DYM: variants seen among roughly 807,000 people sequenced by gnomAD.
DYM encodes dymeclin, also known as dyggve-Melchior-Clausen syndrome protein.
DYM carries 78 observed loss-of-function variants against 93.1 expected under a neutral mutation model. The ratio of observed to expected loss-of-function variants is 0.84; its 90% CI spans 0.70 to 1.01. DYM has a LOEUF of 1.01. Ranked by LOEUF, DYM falls within the 50% of genes least tolerant of loss-of-function variation. The probability of loss-of-function intolerance (pLI) is 0.00; values close to 1 mark genes in which losing one functional copy is unlikely to be tolerated. For missense variants in DYM, 789 were observed against 845.0 expected (o/e 0.93, Z 0.82); for synonymous variants, 321 against 319.7 (o/e 1.00, Z -0.04).
chr18:49,244,634 T>C (rs2094122764), intron 13 of DYM, among the ~76,000 whole-genome samples: 1 of 151,394 alleles, frequency 6.6e-6, no homozygotes, highest in African/African-American at 2.4e-5. Context: ...AATACTCATA[T>C]TATTGGATAA....
chr18:49,125,795 G>C (rs1216268570), intron 15 of DYM, among the ~76,000 whole-genome samples: 5 of 152,154 alleles, frequency 3.3e-5, no homozygotes. Flanking sequence ...GAACACTTTT[G>C]AAAGGCTCCT....
chr18:49,381,944 A>G (rs1232102392), intron 3 of DYM, among the ~76,000 whole-genome samples: 1 of 151,950 alleles, frequency 6.6e-6, no homozygotes, highest in Non-Finnish European at 1.5e-5. Context: ...TAAGGTTTGC[A>G]AACGCATCTC....
chr18:49,160,365 T>C (rs2086946624), intron 15 of DYM, among the ~76,000 whole-genome samples: 1 of 152,340 alleles, frequency 6.6e-6, no homozygotes, highest in Admixed American at 6.5e-5. Flanking sequence ...ATTAGCTTTC[T>C]ATGTTGTTAC....
intron 13 of DYM, among the ~76,000 whole-genome samples, chr18:49,250,632 G>A (rs538979981): frequency 2.6e-4 from 39 of 152,310 alleles, no homozygotes; most frequent in African/African-American, 8.9e-4. Flanking sequence ...CCTAGGAGCT[G>A]AACTGGGGAG....
intron 17 of DYM, among the ~76,000 whole-genome samples, chr18:49,095,963 G>A (rs2079508284): frequency 6.6e-6 from 1 of 151,940 alleles, no homozygotes; most frequent in African/African-American, 2.4e-5. Flanking sequence ...CACTTCCTGG[G>A]AGTAGCCACT....
intron 8 of DYM, among the ~76,000 whole-genome samples, chr18:49,306,980 C>A (rs1402040338): frequency 6.6e-6 from 1 of 152,058 alleles, no homozygotes; most frequent in Non-Finnish European, 1.5e-5. Context: ...TCTCACCCCA[C>A]TCTCATCTGC....
At chr18:49,300,426 C>T (rs2060851434) in intron 8 of DYM, among the ~76,000 whole-genome samples, 2 of 151,890 alleles carry the variant, frequency 1.3e-5, no homozygotes, top group Admixed American at 1.3e-4. Flanking sequence ...ATAGTGAAAC[C>T]TCATCTCTAC....
chr18:49,368,097 T>C (rs1475243594), intron 5 of DYM, among the ~76,000 whole-genome samples: 4 of 152,200 alleles, frequency 2.6e-5, no homozygotes, highest in Non-Finnish European at 5.9e-5. Context: ...TGCATTTCAG[T>C]GCACTACAGT....
chr18:49,321,869 T>C (rs1235275385), intron 8 of DYM, among the ~76,000 whole-genome samples: 1 of 152,106 alleles, frequency 6.6e-6, no homozygotes, highest in African/African-American at 2.4e-5. Flanking sequence ...TTTTGAAAGT[T>C]AGAAGTGTTT....
At chr18:49,400,115 A>T (rs2070643802) in intron 2 of DYM, among the ~76,000 whole-genome samples, 1 of 150,588 alleles carries the variant, frequency 6.6e-6, no homozygotes, top group African/African-American at 2.4e-5. Context: ...TAATTTTTGA[A>T]TTTTTAGTAG....
chr18:49,121,556 T>C (rs1458096098), intron 15 of DYM, among the ~76,000 whole-genome samples: 1 of 151,062 alleles, frequency 6.6e-6, no homozygotes, highest in African/African-American at 2.4e-5. Flanking sequence ...CGTCAGAAAA[T>C]ACCCATGGTC....
In DYM at chr18:49,243,587, C is replaced by G. The variant is rs541313332; in HGVS notation, c.1460+13423G>C. On this transcript the variant is annotated intron_variant, in intron 13 of 17. Coordinates refer to ENST00000675505, the MANE Select transcript of DYM (RefSeq NM_001353214.3). ...AGCTGAGGCATGAGAACTGCTTGAACCTGGGAGGTGGAGGTTGCAGTGAGC... is the reference window on the plus strand; with the variant it reads ...AGCTGAGGCATGAGAACTGCTTGAAGCTGGGAGGTGGAGGTTGCAGTGAGC... 7.3e-5 allele frequency among the ~76,000 whole-genome samples: 11 copies of G among 150,840 alleles called. No homozygotes were observed. The South Asian group carries it at 2.1e-3, about 29-fold the overall frequency.
intron 6 of DYM, among the ~76,000 whole-genome samples, chr18:49,341,370 T>C (rs1358568912): frequency 6.6e-6 from 1 of 151,868 alleles, no homozygotes; most frequent in East Asian, 1.9e-4. Context: ...CAGGCACCTG[T>C]AGTCCCAGCT....
chr18:49,118,743 C>G lies in DYM; in HGVS notation c.1911+1G>C. Reference sequence around the variant, plus strand: ...TAATAAATGTCTTCATTTACACTCACCAGATCAATATTTTGCATTATATCC... The same window carrying G: ...TAATAAATGTCTTCATTTACACTCAGCAGATCAATATTTTGCATTATATCC... On this transcript the variant is annotated splice_donor_variant, in intron 16 of 17. Transcript: ENST00000675505. LOFTEE classifies it high-confidence loss of function. The G allele has an allele frequency of 6.2e-7, 1 of 1,612,396 alleles. No individual in the cohort carries two copies. The highest frequency in any genetic ancestry group is 1.3e-5 in the African/African-American group (1 of 75,022).
At chr18:49,323,288 G>A (rs762976122) in intron 8 of DYM, among the ~76,000 whole-genome samples, 1 of 152,188 alleles carries the variant, frequency 6.6e-6, no homozygotes, top group Non-Finnish European at 1.5e-5. Context: ...ACTAAGCAGA[G>A]CTGTGGTTTA....
At chr18:49,450,565 C>T (rs112450660) in intron 1 of DYM, among the ~76,000 whole-genome samples, 13,898 of 152,204 alleles carry the variant, frequency 0.091, 857 homozygotes, top group East Asian at 0.31. Context: ...CAAAATTGTC[C>T]TTCCTGATGC....
chr18:49,308,958 A>C (rs2146314404), intron 8 of DYM, among the ~76,000 whole-genome samples: 1 of 152,326 alleles, frequency 6.6e-6, no homozygotes, highest in African/African-American at 2.4e-5. Flanking sequence ...AGATCCATAT[A>C]ATACACCATT....
chr18:49,169,168 C>A (rs763606079), intron 14 of DYM, among the ~76,000 whole-genome samples: 2 of 152,178 alleles, frequency 1.3e-5, no homozygotes, highest in African/African-American at 2.4e-5. Context: ...CCAGAGGGCG[C>A]AGTCAGGTGA....
chr18:49,217,819 G>A (rs62104570), intron 13 of DYM, among the ~76,000 whole-genome samples: 32,583 of 151,900 alleles, frequency 0.21, 3,537 homozygotes, highest in East Asian at 0.37. Flanking sequence ...TGTAAAGACC[G>A]TCGAGGCTGG....
Sources: allele counts gnomAD v4.1 joint callset (sites outside exome capture counted in the v4.1 genomes callset), GRCh38; gene constraint gnomAD v4.1.1; transcripts MANE v1.5; gene names NCBI Gene and HGNC (gene_info 2026-07-23, HGNC 2026-07-21).